The following R3HDM1 variants were observed in gnomAD, a reference collection of about 807,000 sequenced individuals.
R3HDM1 encodes the protein R3H domain containing 1.
A neutral mutation model predicts 141.1 loss-of-function variants in R3HDM1; 46 were observed. The ratio of observed to expected loss-of-function variants is 0.33; its 90% CI spans 0.26 to 0.42. The LOEUF is 0.42. R3HDM1 is among the 10% of genes least tolerant of loss of function. The pLI is 1.00. For missense variants in R3HDM1, 1,184 were observed against 1,368.3 expected, an observed-to-expected ratio of 0.87 and a Z score of 2.12; for synonymous variants, 435 against 472.9, an observed-to-expected ratio of 0.92 and a Z score of 1.04.
At chr2:135,580,825 T>G (rs1289454667) in intron 1 of R3HDM1, among the ~76,000 whole-genome samples, 2 of 152,246 alleles carry the variant, frequency 1.3e-5, no homozygotes, top group Non-Finnish European at 2.9e-5. Context: ...CTTGCTGAGT[T>G]ACTTTCAGAT....
At chr2:135,698,169 T>A (rs542819716) in intron 21 of R3HDM1, among the ~76,000 whole-genome samples, 4 of 151,416 alleles carry the variant, frequency 2.6e-5, no homozygotes, top group East Asian at 3.9e-4. Context: ...TCTCCCTTTT[T>A]TTTTTTTTGA....
At chr2:135,710,315 C>A in intron 23 of R3HDM1, 84 bp downstream of exon 23, 2 of 1,388,494 alleles carry the variant, frequency 1.4e-6, no homozygotes, top group East Asian at 2.4e-5. Flanking sequence ...ATTTGAAATC[C>A]CGTCAGCCAG....
intron 5 of R3HDM1, among the ~76,000 whole-genome samples, chr2:135,618,583 C>CA (rs2061275042): frequency 6.7e-6 from 1 of 150,176 alleles, no homozygotes. Context: ...GAAATACAGT[C>CA]AAAGTATTTA....
intron 1 of R3HDM1, among the ~76,000 whole-genome samples, chr2:135,584,805 G>GT (rs1039632072): frequency 6.6e-6 from 1 of 152,160 alleles, no homozygotes; most frequent in African/African-American, 2.4e-5. Context: ...ATATTCATTT[G>GT]TTTTTGCTAC....
chr2:135,540,752 T>C (rs1420148103), intron 1 of R3HDM1, among the ~76,000 whole-genome samples: 1 of 152,158 alleles, frequency 6.6e-6, no homozygotes, highest in Admixed American at 6.5e-5. Flanking sequence ...ATGAATCCTT[T>C]CCAGAAGGTT....
chr2:135,708,967 A>AAAC (rs1167905110), intron 21 of R3HDM1, among the ~76,000 whole-genome samples: 31 of 151,990 alleles, frequency 2.0e-4, no homozygotes, highest in African/African-American at 7.5e-4. Flanking sequence ...TCAAAAAAAA[A>AAAC]AAAAAAAAAA....
intron 11 of R3HDM1, 56 bp downstream of exon 11, chr2:135,636,239 G>A (rs2063233741): frequency 6.4e-6 from 10 of 1,560,296 alleles, no homozygotes; most frequent in Non-Finnish European, 7.8e-6. Context: ...TTACGTTGTA[G>A]GGTCTCAGTC....
intron 21 of R3HDM1, among the ~76,000 whole-genome samples, chr2:135,684,561 A>G (rs955921006): frequency 1.3e-5 from 2 of 152,182 alleles, no homozygotes; most frequent in African/African-American, 2.4e-5. Context: ...AAGTGAAGCA[A>G]TACAGAGATG....
intron 24 of R3HDM1, chr2:135,721,586 ATTTTATTTTTTAT>A: frequency 5.5e-6 from 1 of 183,210 alleles, no homozygotes; most frequent in Non-Finnish European, 1.2e-5. Context: ...TTTTTGTTTT[ATTTTATTTTTTAT>A]TTTTTTGAGA....
chr2:135,615,770 T>C (rs1156377061), intron 3 of R3HDM1, among the ~76,000 whole-genome samples: 1 of 152,180 alleles, frequency 6.6e-6, no homozygotes, highest in African/African-American at 2.4e-5. Context: ...CTGCTGGTTT[T>C]TGTGTGTGTT....
intron 21 of R3HDM1, among the ~76,000 whole-genome samples, chr2:135,688,651 G>A (rs904532196): frequency 1.2e-4 from 18 of 152,126 alleles, no homozygotes; most frequent in East Asian, 1.9e-4. Context: ...GAAATACTGC[G>A]AAGGGCCAAG....
intron 9 of R3HDM1, 101 bp downstream of exon 9, chr2:135,632,102 T>G: frequency 9.7e-7 from 1 of 1,033,810 alleles, no homozygotes; most frequent in Non-Finnish European, 1.3e-6. Flanking sequence ...GTTTTAACAG[T>G]CTAATTAAGT....
Position 135,667,573 on chromosome 2 carries a change from A to AT in R3HDM1, c.2152+6188dup, listed in dbSNP as rs895832849. Reference sequence around the variant, plus strand: ...TAAATTCAGATGTATCACAGGAAGAATTTTTTTTAATTCTAATATACTAAA... The same window carrying AT: ...TAAATTCAGATGTATCACAGGAAGAATTTTTTTTTAATTCTAATATACTAAA... On this transcript the variant is annotated intron_variant, in intron 19 of 26. Coordinates refer to ENST00000683871, the MANE Select transcript of R3HDM1 (RefSeq NM_001378107.1). 1.2e-4 allele frequency: 109 copies of AT among 879,054 alleles called. No individual in the cohort carries two copies. The African/African-American group carries it at 1.6e-3, about 13-fold the overall frequency. 54.5% of individuals were successfully genotyped at this position (879,054 alleles called of 1,614,324 possible). A position where few individuals can be genotyped will look rare whatever the true frequency, so the allele number is the denominator to read the frequency against.
At chr2:135,570,348 G>T (rs1382471796) in intron 1 of R3HDM1, among the ~76,000 whole-genome samples, 1 of 152,152 alleles carries the variant, frequency 6.6e-6, no homozygotes, top group South Asian at 2.1e-4. Context: ...TATGCTGTAG[G>T]AATACATAAG....
chr2:135,651,199 A>G, intron 17 of R3HDM1: 2 of 985,186 alleles, frequency 2.0e-6, no homozygotes, highest in Non-Finnish European at 1.2e-6. Context: ...TTGAAAGATT[A>G]GAGAAAGGAC....
At chr2:135,646,488 T>C (rs1214021128) in intron 16 of R3HDM1, among the ~76,000 whole-genome samples, 3 of 152,160 alleles carry the variant, frequency 2.0e-5, no homozygotes, top group East Asian at 3.9e-4. Context: ...TAGTTAGTTA[T>C]ACCTCTTTTT....
rs1694676810 is a variant in R3HDM1, at chr2:135,531,545, T to A, written c.-338T>A. On this transcript the variant is annotated 5_prime_UTR_variant, in exon 1 of 27. Coordinates refer to ENST00000683871, the MANE Select transcript of R3HDM1 (RefSeq NM_001378107.1). Reference sequence around the variant, plus strand: ...CGGGCTGGTGATGGGGTTAATTCCCTTTCGTAAGACTCTTACTTGCACCCA... The same window carrying A: ...CGGGCTGGTGATGGGGTTAATTCCCATTCGTAAGACTCTTACTTGCACCCA... 1.0e-6 allele frequency: 1 copy of A among 985,588 alleles called. No homozygotes were observed. Among genetic ancestry groups the A allele is most frequent in the African/African-American group, 1.8e-5 (1 of 57,134 alleles). 61.1% of individuals were successfully genotyped at this position (985,588 alleles called of 1,614,324 possible).
At chr2:135,537,277 CTTTTT>C (rs1036767352) in intron 1 of R3HDM1, among the ~76,000 whole-genome samples, 8 of 84,456 alleles carry the variant, frequency 9.5e-5, no homozygotes, top group South Asian at 5.2e-4. Flanking sequence ...ATTAGTCTGT[CTTTTT>C]TTTTTTTTTT....
At chr2:135,585,579 T>G (rs1351383354) in intron 1 of R3HDM1, among the ~76,000 whole-genome samples, 2 of 152,228 alleles carry the variant, frequency 1.3e-5, no homozygotes, top group African/African-American at 2.4e-5. Context: ...GAAAACATAC[T>G]CATCTGGTTT....
Sources: gnomAD v4.1 joint callset for allele counts (sites outside exome capture counted in the v4.1 genomes callset) on GRCh38, gnomAD v4.1.1 for gene constraint, MANE v1.5 for transcripts, NCBI Gene and HGNC (gene_info 2026-07-23, HGNC 2026-07-21) for gene names.